CCDC85C: variants seen among roughly 807,000 people sequenced by gnomAD.
The protein encoded by CCDC85C is coiled-coil domain-containing protein 85C.
In CCDC85C, 18 loss-of-function variants were observed where a neutral mutation model predicts 38.3. The observed-to-expected ratio is 0.47, with a 90% CI of 0.33 to 0.70. CCDC85C has a LOEUF of 0.70. CCDC85C is among the 30% of genes least tolerant of loss of function. The probability of loss-of-function intolerance (pLI) is 0.03; values close to 1 mark genes in which losing one functional copy is unlikely to be tolerated. For missense variants in CCDC85C, 566 were observed against 621.2 expected, an observed-to-expected ratio of 0.91 and a Z score of 0.94; for synonymous variants, 264 against 293.8, an observed-to-expected ratio of 0.90 and a Z score of 1.04.
intron 1 of CCDC85C, among the ~76,000 whole-genome samples, chr14:99,586,442 A>T (rs1347504700): frequency 1.3e-5 from 2 of 152,204 alleles, no homozygotes; most frequent in Non-Finnish European, 2.9e-5. Flanking sequence ...CCCAGGCGGG[A>T]AACGGAGGCA....
intron 1 of CCDC85C, among the ~76,000 whole-genome samples, chr14:99,549,058 A>G (rs796398827): frequency 2.6e-4 from 40 of 152,286 alleles, no homozygotes; most frequent in African/African-American, 9.4e-4. Context: ...GGAGGATGAC[A>G]CACAGGGTGC....
chr14:99,516,981 A>G lies in CCDC85C; in HGVS notation c.1071+107T>C. On this transcript the variant is annotated intron_variant, in intron 4 of 5. Coordinates refer to ENST00000380243, the MANE Select transcript of CCDC85C (RefSeq NM_001144995.2). The surrounding 1 kb of genome is among the most constrained non-coding windows in gnomAD (Gnocchi z 5.5). ...TCACCCAGCCACCCACACACAGATGAAACCTCCCACCCCTGCCACTTGGAT... is the reference window on the plus strand; with the variant it reads ...TCACCCAGCCACCCACACACAGATGGAACCTCCCACCCCTGCCACTTGGAT... 9.3e-7 allele frequency: 1 copy of G among 1,076,030 alleles called. No individual in the cohort carries two copies. The highest frequency in any genetic ancestry group is 1.4e-6 in the Non-Finnish European group (1 of 715,908). The allele number at this position is 1,076,030 out of a possible 1,614,324, so 66.7% of individuals were successfully genotyped here.
At chr14:99,540,660 T>TG (rs972172979) in intron 1 of CCDC85C, among the ~76,000 whole-genome samples, 8 of 152,286 alleles carry the variant, frequency 5.3e-5, no homozygotes, top group Admixed American at 3.9e-4. Flanking sequence ...CTAACCCGTC[T>TG]GGGGGCCATC....
chr14:99,565,203 C>A (rs1026267360), intron 1 of CCDC85C, among the ~76,000 whole-genome samples: 6 of 152,196 alleles, frequency 3.9e-5, no homozygotes, highest in Admixed American at 3.9e-4. Context: ...GAGCCCATCC[C>A]CCTGCATTAA....
At position 99,510,830 on chromosome 14, in the gene CCDC85C, G is replaced by C; in HGVS notation, c.*4416C>G. 2.2e-6 allele frequency: 3 copies of C among 1,375,180 alleles called. No individual in the cohort carries two copies. The South Asian group carries it at 6.1e-5, about 28-fold the overall frequency. The allele number at this position is 1,375,180 out of a possible 1,614,324, so 85.2% of individuals were successfully genotyped here. On this transcript the variant is annotated 3_prime_UTR_variant, in exon 6 of 6. Coordinates refer to ENST00000380243, the MANE Select transcript of CCDC85C (RefSeq NM_001144995.2). ...GTTTTTTTAACAAGATTTTCTAATC[G>C]ACTTGCAGAGTAGTTGAAGTGGGTA...
intron 1 of CCDC85C, among the ~76,000 whole-genome samples, chr14:99,575,708 A>G (rs551528723): frequency 6.6e-6 from 1 of 152,060 alleles, no homozygotes; most frequent in African/African-American, 2.4e-5. Flanking sequence ...CCATGAGGTC[A>G]CCCCTCTCCA....
rs967584680 is a variant in CCDC85C, at chr14:99,503,896, A to G, written c.*11350T>C. ...AAATGTACTCAGTAACATATATAAA[A>G]GTATAATTATGGCTGTAGGAGAACT... On this transcript the variant is annotated 3_prime_UTR_variant, in exon 6 of 6. Coordinates refer to ENST00000380243, the MANE Select transcript of CCDC85C (RefSeq NM_001144995.2). 5 of 509,458 alleles carry G rather than the reference A, an allele frequency of 9.8e-6. No homozygotes were observed. The highest frequency in any genetic ancestry group is 9.8e-5 in the African/African-American group (5 of 51,104). 31.6% of individuals were successfully genotyped at this position (509,458 alleles called of 1,614,324 possible). A position where few individuals can be genotyped will look rare whatever the true frequency, so the allele number is the denominator to read the frequency against.
At chr14:99,591,935 T>C (rs1299378961) in intron 1 of CCDC85C, among the ~76,000 whole-genome samples, 1 of 152,070 alleles carries the variant, frequency 6.6e-6, no homozygotes, top group Non-Finnish European at 1.5e-5. Flanking sequence ...GGTTTCACCA[T>C]GTTGGCCAGG....
chr14:99,567,392 C>A (rs1328165387), intron 1 of CCDC85C, among the ~76,000 whole-genome samples: 1 of 152,158 alleles, frequency 6.6e-6, no homozygotes, highest in African/African-American at 2.4e-5. Flanking sequence ...GGCGTGACAA[C>A]CAGGGGAGGC....
chr14:99,527,054 CAGCG>C (rs1351985173), intron 2 of CCDC85C, among the ~76,000 whole-genome samples: 1 of 152,186 alleles, frequency 6.6e-6, no homozygotes, highest in Non-Finnish European at 1.5e-5. Context: ...CAGGGCTGTG[CAGCG>C]TAGCACAGAG....
intron 1 of CCDC85C, among the ~76,000 whole-genome samples, chr14:99,562,847 T>C (rs1260890867): frequency 6.6e-6 from 1 of 151,270 alleles, no homozygotes; most frequent in Non-Finnish European, 1.5e-5. Context: ...ATTCACACAC[T>C]CACCCTCATA....
chr14:99,591,734 C>CTT (rs66657278), intron 1 of CCDC85C, among the ~76,000 whole-genome samples: 96 of 130,412 alleles, frequency 7.4e-4, no homozygotes, highest in South Asian at 3.5e-3. Context: ...GGTTTCTTTT[C>CTT]TTTTTTTTTT....
intron 1 of CCDC85C, among the ~76,000 whole-genome samples, chr14:99,596,798 G>A (rs1391445949): frequency 1.3e-5 from 2 of 152,208 alleles, no homozygotes. Flanking sequence ...GAACCCCAGA[G>A]TGGTCCCTGC....
At chr14:99,521,914 G>C (rs78951212) in intron 3 of CCDC85C, among the ~76,000 whole-genome samples, 1 of 152,192 alleles carries the variant, frequency 6.6e-6, no homozygotes, top group Non-Finnish European at 1.5e-5. Context: ...GCAGCCCTGC[G>C]CACGTGGCCT....
rs114124383 is a variant in CCDC85C at position 99,535,144 on chromosome 14, C to T, written c.867+871G>A. ...CCTGAGCTGGGCAGTCGGCACCAAG[C>T]CTGGCTGGTCACCTAGCAACAGGGC... is the stretch of plus-strand genomic sequence containing the variant. On this transcript the variant is annotated intron_variant, in intron 2 of 5. Coordinates refer to ENST00000380243, the MANE Select transcript of CCDC85C (RefSeq NM_001144995.2). This position sits in a 1 kb window ranked among gnomAD's most constrained non-coding sequence, Gnocchi z 5.5. 0.02 allele frequency: 3,488 copies of T among 178,356 alleles called. 135 individuals carry two copies. Among genetic ancestry groups the T allele is most frequent in the African/African-American group, 0.078 (3,272 of 41,898 alleles). 11.0% of individuals were successfully genotyped at this position (178,356 alleles called of 1,614,324 possible). A position where few individuals can be genotyped will look rare whatever the true frequency, so the allele number is the denominator to read the frequency against.
Position 99,574,543 on chromosome 14 carries a change from A to G in CCDC85C, c.793+28624T>C, listed in dbSNP as rs549909670. ...TCCAGACCTTGGGCAGGGAGGCAATAAAGCTAAGGGAGGTGGGGAACTCCC... is the reference window on the plus strand; with the variant it reads ...TCCAGACCTTGGGCAGGGAGGCAATGAAGCTAAGGGAGGTGGGGAACTCCC... On this transcript the variant is annotated intron_variant, in intron 1 of 5. Coordinates refer to ENST00000380243, the MANE Select transcript of CCDC85C (RefSeq NM_001144995.2). Among the ~76,000 whole-genome samples the G allele has an allele frequency of 8.3e-4, 127 of 152,240 alleles. 2 individuals are homozygous for G. In the South Asian group the frequency reaches 0.01, roughly 12 times the overall value.
intron 1 of CCDC85C, among the ~76,000 whole-genome samples, chr14:99,559,400 G>C (rs977478721): frequency 2.6e-5 from 4 of 152,154 alleles, no homozygotes; most frequent in Non-Finnish European, 5.9e-5. Flanking sequence ...TAGTGCCGTA[G>C]GAAGCTATTA....
chr14:99,553,359 T>G (rs1347358436), intron 1 of CCDC85C, among the ~76,000 whole-genome samples: 1 of 32,920 alleles, frequency 3.0e-5, no homozygotes, highest in East Asian at 1.0e-3. Context: ...CCCTGTGTGG[T>G]TTTTTTTTTG....
intron 1 of CCDC85C, among the ~76,000 whole-genome samples, chr14:99,595,829 AG>A: frequency 6.6e-6 from 1 of 152,214 alleles, no homozygotes; most frequent in Non-Finnish European, 1.5e-5. Flanking sequence ...TAGATGAAAC[AG>A]GGACCCCAAT....
Sources: gnomAD v4.1 joint callset for allele counts (sites outside exome capture counted in the v4.1 genomes callset) on GRCh38, gnomAD v4.1.1 for gene constraint, Gnocchi (gnomAD v3.1) non-coding constraint, MANE v1.5 for transcripts, NCBI Gene and HGNC (gene_info 2026-07-23, HGNC 2026-07-21) for gene names.